Variants in XXYLT1 observed in about 807,000 individuals in gnomAD.
The protein encoded by XXYLT1 is UDP-xylose:alpha-xyloside alpha-1,3-xylosyltransferase.
Under a neutral mutation model 28.9 loss-of-function variants are expected in XXYLT1, and 20 were observed. That is an observed-to-expected ratio of 0.69 (90% CI 0.49 to 1.00). The LOEUF is 1.00. Ranked by LOEUF, XXYLT1 falls within the 50% of genes least tolerant of loss-of-function variation. The pLI is 0.00. For missense variants in XXYLT1, 542 were observed against 560.1 expected, an observed-to-expected ratio of 0.97 and a Z score of 0.33; for synonymous variants, 257 against 253.8, an observed-to-expected ratio of 1.01 and a Z score of -0.12.
At chr3:195,169,438 G>A (rs2108711172) in intron 2 of XXYLT1, among the ~76,000 whole-genome samples, 1 of 152,320 alleles carries the variant, frequency 6.6e-6, no homozygotes, top group African/African-American at 2.4e-5. Flanking sequence ...CCAACACAAA[G>A]GTGTGCGTAC....
chr3:195,164,861 A>T (rs1025328185), intron 2 of XXYLT1, among the ~76,000 whole-genome samples: 3 of 152,094 alleles, frequency 2.0e-5, no homozygotes, highest in Non-Finnish European at 4.4e-5. Flanking sequence ...TTAGTGCTGA[A>T]GTGCAGTTTG....
intron 2 of XXYLT1, chr3:195,214,823 C>A (rs192900678): frequency 3.3e-5 from 5 of 152,222 alleles, no homozygotes; most frequent in African/African-American, 9.6e-5. Flanking sequence ...AAAATTGGAA[C>A]GATACAGAGA....
At chr3:195,160,942 C>T (rs1720840825) in intron 2 of XXYLT1, among the ~76,000 whole-genome samples, 1 of 152,226 alleles carries the variant, frequency 6.6e-6, no homozygotes, top group Admixed American at 6.5e-5. Context: ...CATTTCCCTC[C>T]CAGGACAAGG....
chr3:195,229,557 C>G (rs1354303395), intron 1 of XXYLT1, among the ~76,000 whole-genome samples: 1 of 152,206 alleles, frequency 6.6e-6, no homozygotes, highest in Non-Finnish European at 1.5e-5. Flanking sequence ...CTTTTCCCAG[C>G]CTCTGATAAC....
At position 195,195,973 on chromosome 3, in the gene XXYLT1, A is replaced by G. The variant is rs1722608434; in HGVS notation, c.652+30736T>C. Reference sequence around the variant, plus strand: ...CTGCCATTCCCTCCAGGCTAGCCCGAGGCTGCAGCCTGCTTGCCCAGGTCA... The same window carrying G: ...CTGCCATTCCCTCCAGGCTAGCCCGGGGCTGCAGCCTGCTTGCCCAGGTCA... On this transcript the variant is annotated intron_variant, in intron 2 of 3. Transcript: ENST00000310380. This position sits in a 1 kb window ranked among gnomAD's most constrained non-coding sequence, Gnocchi z 4.4. Among the ~76,000 whole-genome samples the G allele has an allele frequency of 6.6e-6, 1 of 152,136 alleles. No individual in the cohort carries two copies. Among genetic ancestry groups the G allele is most frequent in the South Asian group, 2.1e-4 (1 of 4,820 alleles).
intron 3 of XXYLT1, among the ~76,000 whole-genome samples, chr3:195,106,490 G>GC (rs1398612056): frequency 6.6e-6 from 1 of 152,232 alleles, no homozygotes; most frequent in Admixed American, 6.5e-5. Context: ...CGGTGTCTAC[G>GC]CCGGGCTCGC....
At chr3:195,089,862 G>C (rs2108659622) in intron 3 of XXYLT1, among the ~76,000 whole-genome samples, 1 of 152,254 alleles carries the variant, frequency 6.6e-6, no homozygotes, top group East Asian at 1.9e-4. Context: ...ACAAAAAAAG[G>C]CAGGGGTTGC....
chr3:195,243,064 C>T (rs1249977579), intron 1 of XXYLT1, among the ~76,000 whole-genome samples: 1 of 152,120 alleles, frequency 6.6e-6, no homozygotes, highest in African/African-American at 2.4e-5. Flanking sequence ...TTTGTAGGGA[C>T]ATGGATGACA....
intron 2 of XXYLT1, among the ~76,000 whole-genome samples, chr3:195,174,197 T>C (rs1275289573): frequency 6.6e-6 from 1 of 152,164 alleles, no homozygotes; most frequent in African/African-American, 2.4e-5. Context: ...ACCCTTTGTC[T>C]AGAGCCTCAA....
Position 195,241,778 on chromosome 3 carries a change from C to T in XXYLT1, c.505-14922G>A, listed in dbSNP as rs572790204. 2.4e-3 allele frequency among the ~76,000 whole-genome samples: 361 copies of T among 152,132 alleles called. 5 individuals are homozygous for T. The highest frequency in any genetic ancestry group is 7.7e-3 in the African/African-American group (321 of 41,496). ...TCCCTCACCAAAAAAGTAGCTACCA[C>T]CCTCACCACCAACACACACACACAT... On this transcript the variant is annotated intron_variant, in intron 1 of 3. Coordinates refer to ENST00000310380, the MANE Select transcript of XXYLT1 (RefSeq NM_152531.5).
intron 3 of XXYLT1, among the ~76,000 whole-genome samples, chr3:195,110,708 TGTGTGTG>T (rs1302382369): frequency 1.6e-5 from 2 of 127,192 alleles, no homozygotes; most frequent in Non-Finnish European, 1.7e-5. Flanking sequence ...ATGTGTGTGG[TGTGTGTG>T]GTGTGTGTGT....
In XXYLT1 at chr3:195,226,692, C is replaced by T; in HGVS notation, c.652+17G>A. On this transcript the variant is annotated intron_variant, in intron 2 of 3. Coordinates refer to ENST00000310380, the MANE Select transcript of XXYLT1 (RefSeq NM_152531.5). ...GTCAGACACCCAGGGGCTATTGCTCCTGGAAGCCCAGGTTACCTTTGGGCA... is the reference window on the plus strand; with the variant it reads ...GTCAGACACCCAGGGGCTATTGCTCTTGGAAGCCCAGGTTACCTTTGGGCA... 1.2e-6 allele frequency: 2 copies of T among 1,609,970 alleles called. No individual in the cohort carries two copies. Among genetic ancestry groups the T allele is most frequent in the Non-Finnish European group, 1.7e-6 (2 of 1,178,496 alleles).
chr3:195,174,258 T>A (rs79570234), intron 2 of XXYLT1, among the ~76,000 whole-genome samples: 3,946 of 152,210 alleles, frequency 0.026, 189 homozygotes, highest in African/African-American at 0.089. Flanking sequence ...GAGGAGTGGA[T>A]CCTGGGAAGA....
At chr3:195,165,830 A>G (rs1721091979) in intron 2 of XXYLT1, among the ~76,000 whole-genome samples, 1 of 152,202 alleles carries the variant, frequency 6.6e-6, no homozygotes, top group African/African-American at 2.4e-5. Context: ...ACGATCTAGC[A>G]TCATCTAGGA....
intron 3 of XXYLT1, among the ~76,000 whole-genome samples, chr3:195,120,182 C>T (rs1231554725): frequency 2.0e-5 from 3 of 152,178 alleles, no homozygotes; most frequent in African/African-American, 7.2e-5. Context: ...AGAGCCTGGG[C>T]GTCCAGCAAA....
chr3:195,108,547 T>C (rs1417320469), intron 3 of XXYLT1, among the ~76,000 whole-genome samples: 1 of 152,248 alleles, frequency 6.6e-6, no homozygotes, highest in Non-Finnish European at 1.5e-5. Context: ...AGAAATGCAT[T>C]GTTAGGTGAT....
intron 1 of XXYLT1, among the ~76,000 whole-genome samples, chr3:195,234,977 T>C (rs532275180): frequency 1.3e-5 from 2 of 152,008 alleles, no homozygotes; most frequent in African/African-American, 4.8e-5. Flanking sequence ...ACCTCCTCTT[T>C]AAAGCCAGTA....
rs771134302 is a variant in XXYLT1, at chr3:195,156,505, G to C, written c.729C>G (p.Asp243Glu). 5.0e-6 allele frequency: 8 copies of C among 1,614,232 alleles called. No homozygotes were observed. Among genetic ancestry groups the C allele is most frequent in the Middle Eastern group, 1.6e-4 (1 of 6,062 alleles). Residue 243 changes from aspartate to glutamate, a missense_variant, in exon 3 of 4, where the codon GAC becomes GAG. Transcript: ENST00000310380. ...TNIRELFEEF[D>E]SFLPGAIIGI... The stretch of plus-strand genomic sequence containing the variant: ...CGATGATGGCGCCTGGCAGGAAACT[G>C]TCAAATTCCTCAAACAACTCCCGGA...
intron 2 of XXYLT1, among the ~76,000 whole-genome samples, chr3:195,164,668 G>A (rs144753235): frequency 4.4e-4 from 67 of 152,354 alleles, no homozygotes; most frequent in Middle Eastern, 3.4e-3. Flanking sequence ...TGAGCAGGAT[G>A]CCTCACCTTG....
Sources: gnomAD v4.1 joint callset for allele counts (sites outside exome capture counted in the v4.1 genomes callset) on GRCh38, gnomAD v4.1.1 for gene constraint, Gnocchi (gnomAD v3.1) non-coding constraint, MANE v1.5 for transcripts, NCBI Gene and HGNC (gene_info 2026-07-23, HGNC 2026-07-21) for gene names.